DNAJC24: variants seen among roughly 807,000 people sequenced by gnomAD.
DNAJC24 encodes the protein dnaJ homolog subfamily C member 24.
A neutral mutation model predicts 18.0 loss-of-function variants in DNAJC24; 17 were observed. The observed-to-expected ratio is 0.94, with a 90% CI of 0.65 to 1.42. The LOEUF (loss-of-function observed/expected upper bound fraction) is 1.42, where lower values mean the gene tolerates loss of function less well. Ranked by LOEUF, DNAJC24 falls within the 40% of genes most tolerant of loss-of-function variation. The pLI is 0.00. For missense variants in DNAJC24, 158 were observed against 175.6 expected, an observed-to-expected ratio of 0.90 and a Z score of 0.57; for synonymous variants, 55 against 57.7, an observed-to-expected ratio of 0.95 and a Z score of 0.21.
At chr11:31,381,820 G>A (rs886862847) in intron 2 of DNAJC24, among the ~76,000 whole-genome samples, 2 of 151,896 alleles carry the variant, frequency 1.3e-5, no homozygotes, top group Non-Finnish European at 2.9e-5. Context: ...CAGATGATCC[G>A]CCTGCCTCTG....
chr11:31,389,639 C>T (rs567118664), intron 2 of DNAJC24, among the ~76,000 whole-genome samples: 1 of 152,304 alleles, frequency 6.6e-6, no homozygotes, highest in African/African-American at 2.4e-5. Context: ...ACTTAATCAG[C>T]ACCTATAGAC....
chr11:31,418,686 T>A (rs1952775127), intron 3 of DNAJC24, among the ~76,000 whole-genome samples: 1 of 152,146 alleles, frequency 6.6e-6, no homozygotes, highest in African/African-American at 2.4e-5. Context: ...GAACCTTCAC[T>A]ATACATAATT....
At chr11:31,387,544 TTGGGATGCC>T (rs1445133895) in intron 2 of DNAJC24, among the ~76,000 whole-genome samples, 2 of 152,228 alleles carry the variant, frequency 1.3e-5, no homozygotes, top group Non-Finnish European at 2.9e-5. Context: ...ATTACTGGGC[TTGGGATGCC>T]CTCTAATGAA....
intron 3 of DNAJC24, among the ~76,000 whole-genome samples, chr11:31,424,073 A>G (rs1244285222): frequency 6.6e-6 from 1 of 152,198 alleles, no homozygotes; most frequent in Non-Finnish European, 1.5e-5. Context: ...GTAGATTGGC[A>G]GTTGTATTTG....
rs777399768 is a variant in DNAJC24, at chr11:31,430,328, A to T, written c.377A>T (p.Asp126Val). ...GGTGGAAAATACAGTGTTTCCAAGG[A>T]TGAAGCGGAAGAAGTTAGCCTGATT... ...RCGGKYSVSKDEAEEVSLISC... is the reference protein window; with the variant it reads ...RCGGKYSVSKVEAEEVSLISC... Residue 126 changes from aspartate (D) to valine (V), a missense_variant, in exon 5 of 5, where the codon GAT becomes GTT. Transcript: ENST00000465995. 1.2e-6 allele frequency: 2 copies of T among 1,611,914 alleles called. No homozygotes were observed. Among genetic ancestry groups the T allele is most frequent in the African/African-American group, 1.3e-5 (1 of 74,844 alleles).
At chr11:31,417,592 G>C (rs1281845981) in intron 3 of DNAJC24, among the ~76,000 whole-genome samples, 1 of 152,024 alleles carries the variant, frequency 6.6e-6, no homozygotes, top group Non-Finnish European at 1.5e-5. Context: ...TTGTTATACA[G>C]AACTCTTTTT....
chr11:31,389,963 G>A (rs1384779984), intron 2 of DNAJC24, among the ~76,000 whole-genome samples: 1 of 152,112 alleles, frequency 6.6e-6, no homozygotes. Context: ...TGAAACAAAT[G>A]TTAAAAGGAA....
At chr11:31,370,255 A>C (rs1013451254) in intron 1 of DNAJC24, among the ~76,000 whole-genome samples, 1 of 152,196 alleles carries the variant, frequency 6.6e-6, no homozygotes, top group African/African-American at 2.4e-5. Flanking sequence ...AGGAAAAGCA[A>C]ACGAGAAACT....
chr11:31,391,218 C>T lies in DNAJC24; in HGVS notation c.111+20359C>T, dbSNP rs117855465. 7.4e-4 allele frequency among the ~76,000 whole-genome samples: 112 copies of T among 152,220 alleles called. 1 individual carries two copies. In the East Asian group the frequency reaches 0.021, roughly 29 times the overall value. On this transcript the variant is annotated intron_variant, in intron 2 of 4. Transcript: ENST00000465995. ...GAACATACCTGAACATCATAAACGCCATATAGGACAAACCCACAGCTAGTA... is the reference window on the plus strand; with the variant it reads ...GAACATACCTGAACATCATAAACGCTATATAGGACAAACCCACAGCTAGTA...
chr11:31,429,716 AAAC>A (rs1033960161), intron 4 of DNAJC24: 35 of 171,734 alleles, frequency 2.0e-4, no homozygotes, highest in South Asian at 3.8e-4. Context: ...GGATTTAAAA[AAAC>A]AACAACAACA....
intron 2 of DNAJC24, among the ~76,000 whole-genome samples, chr11:31,394,378 G>C (rs1258276021): frequency 6.6e-6 from 1 of 152,152 alleles, no homozygotes; most frequent in East Asian, 1.9e-4. Flanking sequence ...CAATGACCAA[G>C]AAAGCATTGC....
At chr11:31,371,161 C>A (rs1952240304) in intron 2 of DNAJC24, among the ~76,000 whole-genome samples, 1 of 152,100 alleles carries the variant, frequency 6.6e-6, no homozygotes, top group African/African-American at 2.4e-5. Flanking sequence ...ATGAAATAAT[C>A]CATGTAAAAT....
At chr11:31,418,206 G>C (rs1240016505) in intron 3 of DNAJC24, among the ~76,000 whole-genome samples, 5 of 152,060 alleles carry the variant, frequency 3.3e-5, no homozygotes, top group Admixed American at 2.6e-4. Context: ...CCCCTGAAAG[G>C]CATGTAGTTT....
chr11:31,407,922 A>G (rs1952672008), intron 2 of DNAJC24, among the ~76,000 whole-genome samples: 1 of 151,616 alleles, frequency 6.6e-6, no homozygotes, highest in Non-Finnish European at 1.5e-5. Context: ...AAAAAAAAAA[A>G]TAAACAGGTT....
intron 2 of DNAJC24, among the ~76,000 whole-genome samples, chr11:31,377,979 T>C (rs1437232749): frequency 3.3e-5 from 5 of 152,072 alleles, no homozygotes; most frequent in African/African-American, 9.7e-5. Context: ...TGATTAGAAA[T>C]GGTTATATAT....
At chr11:31,390,422 T>TAAAAAAAAAAAAAAAAAAAA (rs1952481229) in intron 2 of DNAJC24, among the ~76,000 whole-genome samples, 1 of 135,052 alleles carries the variant, frequency 7.4e-6, no homozygotes, top group African/African-American at 2.8e-5. Flanking sequence ...AAAAAAAAAT[T>TAAAAAAAAAAAAAAAAAAAA]AAAGGCCGGG....
At chr11:31,428,097 C>T (rs1952882500) in intron 4 of DNAJC24, 1 of 151,652 alleles carries the variant, frequency 6.6e-6, no homozygotes, top group South Asian at 2.1e-4. Flanking sequence ...TCTGTCCAGT[C>T]AATAAATACA....
chr11:31,384,161 C>A (rs1952405654), intron 2 of DNAJC24, among the ~76,000 whole-genome samples: 1 of 152,148 alleles, frequency 6.6e-6, no homozygotes, highest in African/African-American at 2.4e-5. Context: ...AAATAAGAAG[C>A]CCTCTTCTCA....
At chr11:31,414,579 T>C (rs1249135939) in intron 2 of DNAJC24, among the ~76,000 whole-genome samples, 1 of 152,196 alleles carries the variant, frequency 6.6e-6, no homozygotes, top group Non-Finnish European at 1.5e-5. Context: ...CAGAAAATGC[T>C]GTCTTTGCAC....
Sources: allele counts gnomAD v4.1 joint callset (sites outside exome capture counted in the v4.1 genomes callset), GRCh38; gene constraint gnomAD v4.1.1; transcripts MANE v1.5; gene names NCBI Gene and HGNC (gene_info 2026-07-23, HGNC 2026-07-21).